Variants in KCNQ4 observed in about 807,000 individuals in gnomAD.
KCNQ4 encodes potassium voltage-gated channel subfamily Q member 4, also known as potassium voltage-gated channel subfamily KQT member 4.
A neutral mutation model predicts 72.6 loss-of-function variants in KCNQ4; 31 were observed. That is an observed-to-expected ratio of 0.43 (90% CI 0.32 to 0.58). The LOEUF is 0.58. Among genes scored for constraint, KCNQ4 ranks in the 20% least tolerant of loss-of-function variants. The probability of loss-of-function intolerance (pLI) is 0.08; values close to 1 mark genes in which losing one functional copy is unlikely to be tolerated. For synonymous variants in KCNQ4, 405 were observed against 403.7 expected (o/e 1.00, Z -0.04); for missense variants, 869 against 962.6 (o/e 0.90, Z 1.29).
Position 40,824,040 on chromosome 1 carries a change from G to T in KCNQ4, c.1131-57G>T. The stretch of plus-strand genomic sequence containing the variant: ...TGAGCTCAGGAGCTCTGTGCCCACT[G>T]GGTGAGGGGGGTGGTGCCATGGCCC... On this transcript the variant is annotated intron_variant, in intron 8 of 13. Transcript: ENST00000347132. The T allele has an allele frequency of 1.6e-5, 24 of 1,536,384 alleles. No individual in the cohort carries two copies. The South Asian group carries it at 2.4e-4, about 15-fold the overall frequency.
At chr1:40,805,699 A>C (rs900228422) in intron 1 of KCNQ4, among the ~76,000 whole-genome samples, 1 of 152,206 alleles carries the variant, frequency 6.6e-6, no homozygotes, top group African/African-American at 2.4e-5. Context: ...GCCAAGTGTC[A>C]GGTTGGGTAC....
At chr1:40,799,687 T>C (rs1357146600) in intron 1 of KCNQ4, among the ~76,000 whole-genome samples, 1 of 152,138 alleles carries the variant, frequency 6.6e-6, no homozygotes, top group East Asian at 1.9e-4. Flanking sequence ...TTGGAGGCCC[T>C]AGGTCTTATT....
At chr1:40,812,445 T>C (rs1348102351) in intron 1 of KCNQ4, among the ~76,000 whole-genome samples, 1 of 152,116 alleles carries the variant, frequency 6.6e-6, no homozygotes, top group East Asian at 1.9e-4. Flanking sequence ...ATTTTTTTTG[T>C]AGAGACAGCA....
At chr1:40,792,552 A>C (rs1463544841) in intron 1 of KCNQ4, among the ~76,000 whole-genome samples, 1 of 152,018 alleles carries the variant, frequency 6.6e-6, no homozygotes, top group Non-Finnish European at 1.5e-5. Flanking sequence ...GGCCTTTTCC[A>C]CCTTCCCTCC....
intron 1 of KCNQ4, among the ~76,000 whole-genome samples, chr1:40,807,209 G>A (rs1647791393): frequency 6.6e-6 from 1 of 152,124 alleles, no homozygotes; most frequent in South Asian, 2.1e-4. Context: ...GGCGGCTGCT[G>A]TCCCTCCAGG....
At position 40,784,391 on chromosome 1, in the gene KCNQ4, G is replaced by A. The variant is rs764074937; in HGVS notation, c.298G>A (p.Val100Ile). ...VLERPRGWAF[V>I]YHVFIFLLVF... ...GGAGCGGCCCCGCGGCTGGGCCTTC[G>A]TCTACCACGTCTTCATGTGAGTTTG... is the stretch of plus-strand genomic sequence containing the variant. The change falls in exon 1 of 14, where the codon GTC (valine) becomes ATC (isoleucine). Residue 100 changes from valine (V) to isoleucine (I), a missense_variant. By Grantham distance (29) the Val-to-Ile change is conservative. This residue lies in a region of KCNQ4 where 178 missense variants were observed against 145.3 expected (regional missense o/e 1.22). Coordinates refer to ENST00000347132, the MANE Select transcript of KCNQ4 (RefSeq NM_004700.4). This position sits in a 1 kb window ranked among gnomAD's most constrained non-coding sequence, Gnocchi z 4.1. 8 of 1,609,184 alleles carry A rather than the reference G, an allele frequency of 5.0e-6. No homozygotes were observed. In the South Asian group the frequency reaches 8.8e-5, roughly 18 times the overall value.
At position 40,824,205 on chromosome 1, in the gene KCNQ4, G is replaced by T. The variant is rs566952002; in HGVS notation, c.1239G>T (p.Pro413=). Residue 413 remains proline, a synonymous_variant, in exon 9 of 14, where the codon CCG becomes CCT. Coordinates refer to ENST00000347132, the MANE Select transcript of KCNQ4 (RefSeq NM_004700.4). ...CCGACGGAGCACCCTCCCGTTACCC[G>T]CCCGTTGCCACCTGCCACCGGCCGG... ...PVPDGAPSRY[P]PVATCHRPGS... is the part of the protein sequence containing the mutation. 6.3e-6 allele frequency: 10 copies of T among 1,599,800 alleles called. No homozygotes were observed. In the African/African-American group the frequency reaches 9.4e-5, roughly 15 times the overall value.
rs762452706 is a variant in KCNQ4, at chr1:40,822,434, G to A, written c.1130+32G>A. 1.0e-5 allele frequency: 12 copies of A among 1,184,622 alleles called. No individual in the cohort carries two copies. The South Asian group carries it at 1.4e-4, about 14-fold the overall frequency. The allele number at this position is 1,184,622 out of a possible 1,614,324, so 73.4% of individuals were successfully genotyped here. On this transcript the variant is annotated intron_variant, in intron 8 of 13. Coordinates refer to ENST00000347132, the MANE Select transcript of KCNQ4 (RefSeq NM_004700.4). ...CCTGCTGGGGGTGGGGGTGGGTGGG[G>A]GGCTGGCAGCAATGCCCTTTGAGGA... is the stretch of plus-strand genomic sequence containing the variant.
rs1648942094 is a variant in KCNQ4, at chr1:40,840,409, G to A, written c.*1886G>A. 6.6e-6 allele frequency: 1 copy of A among 152,226 alleles called. No individual in the cohort carries two copies. Among genetic ancestry groups the A allele is most frequent in the African/African-American group, 2.4e-5 (1 of 41,446 alleles). The allele number at this position is 152,226 out of a possible 1,614,324, so 9.4% of individuals were successfully genotyped here. The stretch of plus-strand genomic sequence containing the variant: ...CTCGGATATGCAAGTACCTCACTTT[G>A]TTAACTTATTAACTTATTGGTTTCA... On this transcript the variant is annotated 3_prime_UTR_variant, in exon 14 of 14. Transcript: ENST00000347132.
At chr1:40,830,870 G>A (rs551185350) in intron 9 of KCNQ4, among the ~76,000 whole-genome samples, 1 of 152,160 alleles carries the variant, frequency 6.6e-6, no homozygotes, top group Admixed American at 6.5e-5. Flanking sequence ...TGTGGGTGGT[G>A]GGGAGAGGAT....
rs1399769131 is a variant in KCNQ4 at position 40,839,921 on chromosome 1, A to AT, written c.*1400dup. On this transcript the variant is annotated 3_prime_UTR_variant, in exon 14 of 14. Transcript: ENST00000347132. ...CTCCACACCCCACTTCTTCACTTCA[A>AT]TTGGCAGCGCCACATCCAGGCGTCA... 6.6e-6 allele frequency: 1 copy of AT among 152,300 alleles called. No individual in the cohort carries two copies. Among genetic ancestry groups the AT allele is most frequent in the Non-Finnish European group, 1.5e-5 (1 of 68,064 alleles). 9.4% of individuals were successfully genotyped at this position (152,300 alleles called of 1,614,324 possible). A position where few individuals can be genotyped will look rare whatever the true frequency, so the allele number is the denominator to read the frequency against.
chr1:40,822,302 C>G lies in KCNQ4; in HGVS notation c.1042-12C>G. ...ACTGATGCCCCATCCCCCACGTCCC[C>G]CATACCACCAGGCTGCCTGGCGCCT... On this transcript the variant is annotated splice_polypyrimidine_tract_variant and intron_variant, in intron 7 of 13. Transcript: ENST00000347132. 6.2e-7 allele frequency: 1 copy of G among 1,612,954 alleles called. No homozygotes were observed. The highest frequency in any genetic ancestry group is 8.5e-7 in the Non-Finnish European group (1 of 1,179,026).
intron 9 of KCNQ4, among the ~76,000 whole-genome samples, chr1:40,827,473 C>G (rs114000079): frequency 0.024 from 3,642 of 152,240 alleles, 69 homozygotes; most frequent in Middle Eastern, 0.041. Context: ...GTTTGGCCCC[C>G]CTGAGACTGG....
In KCNQ4 at chr1:40,839,078, GTC is replaced by G. The variant is rs1648900810; in HGVS notation, c.*561_*562del. The G allele has an allele frequency of 6.0e-6, 1 of 167,174 alleles. No individual in the cohort carries two copies. Among genetic ancestry groups the G allele is most frequent in the East Asian group, 1.7e-4 (1 of 5,968 alleles). The allele number at this position is 167,174 out of a possible 1,614,324, so 10.4% of individuals were successfully genotyped here. The stretch of plus-strand genomic sequence containing the variant: ...ATGCAACTTTGGGGACCCCCATGGG[GTC>G]TCTCTGTCCCTCCCCCATTGGGAGC... On this transcript the variant is annotated 3_prime_UTR_variant, in exon 14 of 14. Transcript: ENST00000347132.
Position 40,822,359 on chromosome 1 carries a change from A to G in KCNQ4, c.1087A>G (p.Thr363Ala). ...CACCGATATGAGCCGGGCCTACCTG[A>G]CAGCCACCTGGTACTACTATGACAG... is the stretch of plus-strand genomic sequence containing the variant. ...YSTDMSRAYLTATWYYYDSIL... is the reference protein window; with the variant it reads ...YSTDMSRAYLAATWYYYDSIL... Residue 363 changes from threonine (T) to alanine (A), a missense_variant, in exon 8 of 14, where the codon ACA (threonine) becomes GCA (alanine). Physicochemically the swap from Thr to Ala is moderately conservative, Grantham distance 58. This residue lies in a region of KCNQ4 where 480 missense variants were observed against 501.9 expected (regional missense o/e 0.96). Transcript: ENST00000347132. The G allele has an allele frequency of 6.9e-7, 1 of 1,455,346 alleles. No individual in the cohort carries two copies. 90.2% of individuals were successfully genotyped at this position (1,455,346 alleles called of 1,614,324 possible). A position where few individuals can be genotyped will look rare whatever the true frequency, so the allele number is the denominator to read the frequency against.
rs557681627 is a variant in KCNQ4 at position 40,815,566 on chromosome 1, C to T, written c.315-1699C>T. Among the ~76,000 whole-genome samples, 13 of 152,276 alleles carry T rather than the reference C, an allele frequency of 8.5e-5. No homozygotes were observed. In the South Asian group the frequency reaches 1.5e-3, roughly 17 times the overall value. On this transcript the variant is annotated intron_variant, in intron 1 of 13. Transcript: ENST00000347132. ...CTGGTGCTCTTCTCTTCTGTTCTCC[C>T]GTACCCCGTGTTTTTGCTGACTCAG...
chr1:40,810,716 C>T (rs544646188), intron 1 of KCNQ4, among the ~76,000 whole-genome samples: 10 of 152,148 alleles, frequency 6.6e-5, no homozygotes, highest in Non-Finnish European at 1.2e-4. Flanking sequence ...CCAGGGACAT[C>T]CCCAGAGAAT....
intron 1 of KCNQ4, among the ~76,000 whole-genome samples, chr1:40,802,566 C>T (rs1388959547): frequency 2.6e-5 from 4 of 152,200 alleles, no homozygotes; most frequent in African/African-American, 9.6e-5. Context: ...TAAGCCCCGC[C>T]CTCGCCGAGG....
intron 11 of KCNQ4, among the ~76,000 whole-genome samples, chr1:40,833,408 A>T (rs11576277): frequency 0.31 from 44,532 of 142,262 alleles, 7,108 homozygotes; most frequent in East Asian, 0.63. Context: ...GAAACTGTAT[A>T]AAAAAAAAAA....
Sources: allele counts gnomAD v4.1 joint callset (sites outside exome capture counted in the v4.1 genomes callset), GRCh38; gene constraint gnomAD v4.1.1; regional missense constraint gnomAD v4.1.1; non-coding constraint Gnocchi (gnomAD v3.1); transcripts MANE v1.5; gene names NCBI Gene and HGNC (gene_info 2026-07-23, HGNC 2026-07-21).